The following SMARCA5 variants were observed in gnomAD, a reference collection of about 807,000 sequenced individuals.
SMARCA5 encodes the protein SWI/SNF-related matrix-associated actin-dependent regulator of chromatin subfamily A member 5.
SMARCA5 carries 18 observed loss-of-function variants against 140.4 expected under a neutral mutation model. That is an observed-to-expected ratio of 0.13 (90% confidence interval 0.09 to 0.19). The LOEUF (loss-of-function observed/expected upper bound fraction) is 0.19. Among genes scored for constraint, SMARCA5 ranks in the 10% least tolerant of loss-of-function variants. The pLI, the probability that SMARCA5 is intolerant of heterozygous loss-of-function variation, is 1.00. For synonymous variants in SMARCA5, 449 were observed against 419.6 expected (o/e 1.07, Z -0.86); for missense variants, 606 against 1,276.8 (o/e 0.47, Z 8.01).
chr4:143,519,058 C>T (rs1435431689), intron 2 of SMARCA5, among the ~76,000 whole-genome samples: 1 of 152,010 alleles, frequency 6.6e-6, no homozygotes, highest in African/African-American at 2.4e-5. Flanking sequence ...AACATTTCTT[C>T]CTAGACAGTT....
chr4:143,544,917 C>T, intron 17 of SMARCA5, 70 bp downstream of exon 17: 1 of 714,438 alleles, frequency 1.4e-6, no homozygotes, highest in South Asian at 1.7e-5. Flanking sequence ...TATATTCTTG[C>T]AAAAAGATTG....
At chr4:143,517,456 C>T (rs747437226) in intron 2 of SMARCA5, 27 bp downstream of exon 2, 2 of 1,462,958 alleles carry the variant, frequency 1.4e-6, no homozygotes, top group Admixed American at 2.1e-5. Context: ...TGAATAGAGT[C>T]TATAAGGAAA....
At chr4:143,537,429 G>A (rs1452560694) in intron 11 of SMARCA5, among the ~76,000 whole-genome samples, 1 of 152,114 alleles carries the variant, frequency 6.6e-6, no homozygotes, top group Non-Finnish European at 1.5e-5. Flanking sequence ...TCTCCTCTAT[G>A]ATACTATCAA....
intron 14 of SMARCA5, among the ~76,000 whole-genome samples, chr4:143,542,562 C>T (rs1202028682): frequency 6.6e-6 from 1 of 152,124 alleles, no homozygotes; most frequent in South Asian, 2.1e-4. Flanking sequence ...TTATGGGTCC[C>T]AAACCATGAT....
At position 143,526,379 on chromosome 4, in the gene SMARCA5, A is replaced by G. The variant is rs945397502; in HGVS notation, c.720A>G (p.Thr240=). 5.6e-6 allele frequency: 9 copies of G among 1,613,644 alleles called. No individual in the cohort carries two copies. The highest frequency in any genetic ancestry group is 7.6e-6 in the Non-Finnish European group (9 of 1,179,558). Residue 240 remains threonine (T), a synonymous_variant, in exon 6 of 24, where the codon ACA becomes ACG. Coordinates refer to ENST00000283131, the MANE Select transcript of SMARCA5 (RefSeq NM_003601.4). ...GPHMVLVPKS[T]LHNWMSEFKR... Reference sequence around the variant, plus strand: ...ATATGGTTTTGGTTCCTAAGTCTACATTACACAACTGGATGAGTGAATTCA... The same window carrying G: ...ATATGGTTTTGGTTCCTAAGTCTACGTTACACAACTGGATGAGTGAATTCA...
At position 143,514,201 on chromosome 4, in the gene SMARCA5, T is replaced by C. The variant is rs181134000; in HGVS notation, c.177+100T>C. 8.9e-5 allele frequency: 99 copies of C among 1,113,590 alleles called. No homozygotes were observed. The African/African-American group carries it at 1.5e-3, about 17-fold the overall frequency. The allele number at this position is 1,113,590 out of a possible 1,614,324, so 69.0% of individuals were successfully genotyped here. A position where few individuals can be genotyped will look rare whatever the true frequency, so the allele number is the denominator to read the frequency against. ...TCGGACGCAGAGCCGGGTTTCTCTC[T>C]CTGCACCAGACTCAGCTTCACACCC... On this transcript the variant is annotated intron_variant, in intron 1 of 23. Coordinates refer to ENST00000283131, the MANE Select transcript of SMARCA5 (RefSeq NM_003601.4).
intron 13 of SMARCA5, among the ~76,000 whole-genome samples, chr4:143,539,748 C>T (rs911820837): frequency 6.6e-6 from 1 of 152,040 alleles, no homozygotes; most frequent in Non-Finnish European, 1.5e-5. Flanking sequence ...GTTGGTCAGG[C>T]TGGTCTCGAA....
Position 143,514,025 on chromosome 4 carries a change from A to T in SMARCA5, c.101A>T (p.Lys34Ile). 1 of 1,551,750 alleles carries T rather than the reference A, an allele frequency of 6.4e-7. No homozygotes were observed. The change falls in exon 1 of 24, where the codon AAA (lysine) becomes ATA (isoleucine). Residue 34 changes from lysine (K) to isoleucine (I), a missense_variant. This residue lies in a region of SMARCA5 where 164 missense variants were observed against 128.4 expected (regional missense o/e 1.28). Coordinates refer to ENST00000283131, the MANE Select transcript of SMARCA5 (RefSeq NM_003601.4). ...IASGGSNSSNKGGPEGVAAQA... is the reference protein window; with the variant it reads ...IASGGSNSSNIGGPEGVAAQA... ...AGCGGCGGGAGCAACAGCAGCAACA[A>T]AGGCGGCCCCGAAGGCGTCGCGGCG... is the stretch of plus-strand genomic sequence containing the variant.
rs762003861 is a variant in SMARCA5, at chr4:143,538,730, G to A, written c.1617+19G>A. On this transcript the variant is annotated intron_variant, in intron 12 of 23. Coordinates refer to ENST00000283131, the MANE Select transcript of SMARCA5 (RefSeq NM_003601.4). ...GAGACAAGTGAGTAAAATTTGGGGA[G>A]GGAGATAAAAAAGAATCAGATAAAT... is the stretch of plus-strand genomic sequence containing the variant. The A allele has an allele frequency of 5.7e-5, 92 of 1,613,416 alleles. No individual in the cohort carries two copies. Among genetic ancestry groups the A allele is most frequent in the Non-Finnish European group, 7.4e-5 (87 of 1,179,718 alleles).
intron 11 of SMARCA5, among the ~76,000 whole-genome samples, chr4:143,538,147 A>G (rs942760146): frequency 1.3e-5 from 2 of 152,146 alleles, no homozygotes; most frequent in Admixed American, 1.3e-4. Flanking sequence ...AAGGATAGTC[A>G]TTGTAGATAT....
chr4:143,544,894 GTAA>G (rs1737491577), intron 17 of SMARCA5, 47 bp downstream of exon 17: 1 of 973,978 alleles, frequency 1.0e-6, no homozygotes, highest in Non-Finnish European at 1.6e-6. Context: ...TTTTGAAAAT[GTAA>G]TTTTTTTCAT....
chr4:143,518,788 GCT>G (rs1736895616), intron 2 of SMARCA5, among the ~76,000 whole-genome samples: 1 of 151,756 alleles, frequency 6.6e-6, no homozygotes, highest in African/African-American at 2.4e-5. Context: ...TAGATTTGCC[GCT>G]CTGTTTTTTT....
chr4:143,554,857 T>C lies in SMARCA5; in HGVS notation c.*1673T>C, dbSNP rs1737715429. 1.4e-5 allele frequency: 3 copies of C among 214,650 alleles called. No homozygotes were observed. The South Asian group carries it at 2.2e-4, about 16-fold the overall frequency. 13.3% of individuals were successfully genotyped at this position (214,650 alleles called of 1,614,324 possible). ...AGAGGAGGAGAAACTGGGAGGGAGA[T>C]ACACAGTGGAAATGCAAAATGAATC... On this transcript the variant is annotated 3_prime_UTR_variant, in exon 24 of 24. Transcript: ENST00000283131.
intron 9 of SMARCA5, among the ~76,000 whole-genome samples, chr4:143,533,500 T>TTC (rs1737241566): frequency 1.1e-4 from 1 of 8,828 alleles, no homozygotes; most frequent in Admixed American, 1.0e-3. Flanking sequence ...TGTCCATTCT[T>TTC]TTTTTTTTTT....
intron 22 of SMARCA5, 111 bp from the exon 23 acceptor site, chr4:143,549,886 G>C (rs1275787635): frequency 3.5e-6 from 2 of 574,078 alleles, no homozygotes; most frequent in East Asian, 3.4e-5. Flanking sequence ...TTAAATCAGG[G>C]GTGTATTAGT....
At chr4:143,521,894 A>C (rs958757361) in intron 3 of SMARCA5, among the ~76,000 whole-genome samples, 10 of 82,426 alleles carry the variant, frequency 1.2e-4, no homozygotes, top group Non-Finnish European at 2.2e-4. Flanking sequence ...CCATCTCTAC[A>C]AAAAAAAAAA....
chr4:143,521,318 G>A (rs1736953368), intron 2 of SMARCA5, 111 bp from the exon 3 acceptor site: 1 of 697,402 alleles, frequency 1.4e-6, no homozygotes, highest in Non-Finnish European at 2.4e-6. Context: ...TTTATCTGTA[G>A]TTCTCTTTTT....
chr4:143,552,971 GC>G (rs1409450892), intron 23 of SMARCA5, 147 bp from the exon 24 acceptor site: 1 of 574,090 alleles, frequency 1.7e-6, no homozygotes, highest in African/African-American at 1.9e-5. Flanking sequence ...TTTATAGTTT[GC>G]TTTGAAAGAT....
chr4:143,514,013 ACAG>A lies in SMARCA5; in HGVS notation c.95_97del (p.Ser32del). The A allele has an allele frequency of 1.9e-6, 3 of 1,551,764 alleles. No individual in the cohort carries two copies. Among genetic ancestry groups the A allele is most frequent in the Non-Finnish European group, 2.6e-6 (3 of 1,155,970 alleles). On this transcript the variant is annotated inframe_deletion, in exon 1 of 24. Coordinates refer to ENST00000283131, the MANE Select transcript of SMARCA5 (RefSeq NM_003601.4). Reference sequence around the variant, plus strand: ...GCCTCGATCGCCAGCGGCGGGAGCAACAGCAGCAACAAAGGCGGCCCCGAAGGC... The same window carrying A: ...GCCTCGATCGCCAGCGGCGGGAGCAACAGCAACAAAGGCGGCCCCGAAGGC...
Sources: allele counts gnomAD v4.1 joint callset (sites outside exome capture counted in the v4.1 genomes callset), GRCh38; gene constraint gnomAD v4.1.1; regional missense constraint gnomAD v4.1.1; transcripts MANE v1.5; gene names NCBI Gene and HGNC (gene_info 2026-07-23, HGNC 2026-07-21).